Variants in AGBL4 observed in about 807,000 individuals in gnomAD.
AGBL4 encodes cytosolic carboxypeptidase 6.
In AGBL4, 58 loss-of-function variants were observed where a neutral mutation model predicts 66.4. The ratio of observed to expected loss-of-function variants is 0.87; its 90% CI spans 0.71 to 1.09. The LOEUF (loss-of-function observed/expected upper bound fraction) is 1.09. AGBL4 is among the 50% of genes least tolerant of loss of function. The pLI is 0.00. For missense variants in AGBL4, 579 were observed against 631.0 expected, an observed-to-expected ratio of 0.92 and a Z score of 0.88; for synonymous variants, 234 against 222.9, an observed-to-expected ratio of 1.05 and a Z score of -0.44.
chr1:48,781,255 A>G (rs1376397960), intron 6 of AGBL4, among the ~76,000 whole-genome samples: 1 of 152,212 alleles, frequency 6.6e-6, no homozygotes, highest in Non-Finnish European at 1.5e-5. Context: ...GATCCACAGA[A>G]TCGATTCTGG....
chr1:48,530,241 G>A (rs551683551), downstream of AGBL4, among the ~76,000 whole-genome samples: 39 of 152,194 alleles, frequency 2.6e-4, no homozygotes, highest in East Asian at 5.8e-4. Flanking sequence ...TCTCATCTTC[G>A]AAGTGTAGAA....
At chr1:49,511,156 G>A (rs1344335344) in intron 3 of AGBL4, among the ~76,000 whole-genome samples, 2 of 151,892 alleles carry the variant, frequency 1.3e-5, no homozygotes, top group South Asian at 2.1e-4. Context: ...ACACACACAC[G>A]TATGTTTATT....
At chr1:49,262,065 T>G (rs921243805) in intron 3 of AGBL4, among the ~76,000 whole-genome samples, 12 of 151,966 alleles carry the variant, frequency 7.9e-5, no homozygotes, top group African/African-American at 2.9e-4. Flanking sequence ...GGGGAAAGGA[T>G]TCCCTATTTA....
At chr1:48,749,605 G>A (rs1450627225) in intron 6 of AGBL4, among the ~76,000 whole-genome samples, 1 of 152,126 alleles carries the variant, frequency 6.6e-6, no homozygotes, top group Non-Finnish European at 1.5e-5. Context: ...TCACTCTGTG[G>A]GACCCTCAGC....
intron 4 of AGBL4, among the ~76,000 whole-genome samples, chr1:49,240,317 T>G (rs764193370): frequency 4.6e-5 from 7 of 152,084 alleles, no homozygotes; most frequent in Non-Finnish European, 1.0e-4. Context: ...TCCATATTTA[T>G]TGTCTCCATT....
intron 1 of AGBL4, among the ~76,000 whole-genome samples, chr1:49,941,310 C>A (rs1304073148): frequency 6.6e-6 from 1 of 152,132 alleles, no homozygotes; most frequent in African/African-American, 2.4e-5. Context: ...CAGAGGAGAG[C>A]ACTTCCAAAC....
rs1456282743 is a variant in AGBL4, at chr1:48,653,328, A to G, written c.839+9T>C. ...TACTTGCTTCCAAGCATTCTCCCCA[A>G]TTCCTTACCTGTAATTGCCCAGGTA... On this transcript the variant is annotated intron_variant, in intron 8 of 13. Transcript: ENST00000371839. 5.8e-6 allele frequency: 9 copies of G among 1,555,822 alleles called. No homozygotes were observed. Among genetic ancestry groups the G allele is most frequent in the African/African-American group, 2.7e-5 (2 of 73,448 alleles).
At chr1:48,777,501 T>C (rs1476170645) in intron 6 of AGBL4, among the ~76,000 whole-genome samples, 1 of 152,040 alleles carries the variant, frequency 6.6e-6, no homozygotes, top group Non-Finnish European at 1.5e-5. Flanking sequence ...TCTTTCTTTT[T>C]GTTTGTTTGT....
chr1:49,088,066 C>T (rs955535674), intron 4 of AGBL4, among the ~76,000 whole-genome samples: 1 of 152,166 alleles, frequency 6.6e-6, no homozygotes, highest in Non-Finnish European at 1.5e-5. Flanking sequence ...ATTTGCCTTA[C>T]AAGAGGTCCT....
intron 3 of AGBL4, among the ~76,000 whole-genome samples, chr1:49,423,948 C>T (rs532063469): frequency 2.0e-5 from 3 of 152,148 alleles, no homozygotes; most frequent in South Asian, 4.2e-4. Flanking sequence ...TGAGAAATGA[C>T]CTTCAACTCT....
At chr1:49,847,266 G>C (rs943048202) in intron 2 of AGBL4, among the ~76,000 whole-genome samples, 5 of 151,954 alleles carry the variant, frequency 3.3e-5, no homozygotes, top group African/African-American at 1.2e-4. Context: ...AACTCAAGAT[G>C]GATTAAAGAC....
At chr1:49,068,130 G>T (rs1490649707) in intron 4 of AGBL4, among the ~76,000 whole-genome samples, 2 of 152,136 alleles carry the variant, frequency 1.3e-5, no homozygotes, top group African/African-American at 4.8e-5. Flanking sequence ...GGCAGTAGTA[G>T]ATATAAAGGT....
At chr1:48,902,902 G>T (rs553564298) in intron 5 of AGBL4, among the ~76,000 whole-genome samples, 1 of 152,174 alleles carries the variant, frequency 6.6e-6, no homozygotes, top group East Asian at 1.9e-4. Context: ...CCTGGCACTT[G>T]TGAGGCCTTC....
At chr1:48,581,387 A>G (rs2148331945) in intron 11 of AGBL4, among the ~76,000 whole-genome samples, 1 of 152,326 alleles carries the variant, frequency 6.6e-6, no homozygotes, top group Non-Finnish European at 1.5e-5. Context: ...GTCCACAGCT[A>G]CAAGCCTGGG....
intron 1 of AGBL4, among the ~76,000 whole-genome samples, chr1:49,882,021 G>A (rs1168699943): frequency 6.6e-6 from 1 of 152,042 alleles, no homozygotes; most frequent in Non-Finnish European, 1.5e-5. Flanking sequence ...ATGGTTTTAG[G>A]TCTAACGTTT....
chr1:49,743,229 A>G (rs1476544407), intron 2 of AGBL4, among the ~76,000 whole-genome samples: 1 of 152,214 alleles, frequency 6.6e-6, no homozygotes, highest in African/African-American at 2.4e-5. Flanking sequence ...AACCCCAACA[A>G]AAACTGGGCA....
At chr1:49,097,892 T>G (rs1042106571) in intron 4 of AGBL4, among the ~76,000 whole-genome samples, 3 of 152,244 alleles carry the variant, frequency 2.0e-5, no homozygotes, top group African/African-American at 7.2e-5. Context: ...TAGGCAATTA[T>G]TTAATGAGGT....
In AGBL4 at chr1:48,617,670, G is replaced by A. The variant is rs1202498568; in HGVS notation, c.951+16823C>T. On this transcript the variant is annotated intron_variant, in intron 9 of 13. Transcript: ENST00000371839. Reference sequence around the variant, plus strand: ...CTCTCTACCTTTTTTCTGTCCTACGGGCTGGCCGTTGTTTCTCAGAATTTG... The same window carrying A: ...CTCTCTACCTTTTTTCTGTCCTACGAGCTGGCCGTTGTTTCTCAGAATTTG... Among the ~76,000 whole-genome samples, 10 of 152,130 alleles carry A rather than the reference G, an allele frequency of 6.6e-5. No individual in the cohort carries two copies. In the East Asian group the frequency reaches 1.9e-3, roughly 30 times the overall value.
chr1:49,442,434 G>C (rs1347987265), intron 3 of AGBL4, among the ~76,000 whole-genome samples: 1 of 152,140 alleles, frequency 6.6e-6, no homozygotes, highest in East Asian at 1.9e-4. Context: ...TCTAGTCTCT[G>C]TTATGTATCT....
Sources: allele counts gnomAD v4.1 joint callset (sites outside exome capture counted in the v4.1 genomes callset), GRCh38; gene constraint gnomAD v4.1.1; transcripts MANE v1.5; gene names NCBI Gene and HGNC (gene_info 2026-07-23, HGNC 2026-07-21).